The following PARVB variants were observed in gnomAD, a reference collection of about 807,000 sequenced individuals.
The protein encoded by PARVB is parvin beta, also known as beta-parvin.
Under a neutral mutation model 47.0 loss-of-function variants are expected in PARVB, and 46 were observed. That is an observed-to-expected ratio of 0.98 (90% CI 0.77 to 1.25). The LOEUF (loss-of-function observed/expected upper bound fraction) is 1.25, where lower values mean the gene tolerates loss of function less well. PARVB is among the 50% of genes most tolerant of loss of function. The probability of loss-of-function intolerance (pLI) is 0.00; values close to 1 mark genes in which losing one functional copy is unlikely to be tolerated. For missense variants in PARVB, 473 were observed against 471.6 expected (o/e 1.00, Z -0.03); for synonymous variants, 196 against 196.3 (o/e 1.00, Z 0.01).
intron 12 of PARVB, among the ~76,000 whole-genome samples, 185 bp downstream of exon 12, chr22:44,164,115 G>T (rs2272940): frequency 6.6e-6 from 1 of 152,116 alleles, no homozygotes. Flanking sequence ...GGAGGACTTC[G>T]CTGGTGGAGC....
chr22:44,148,206 A>G (rs560088831), intron 9 of PARVB: 2 of 459,950 alleles, frequency 4.3e-6, no homozygotes, highest in Non-Finnish European at 8.1e-6. Context: ...CCTTTTTTCA[A>G]TGTGGAAATG....
chr22:44,059,109 G>A (rs1407638277), intron 1 of PARVB, among the ~76,000 whole-genome samples: 3 of 134,982 alleles, frequency 2.2e-5, no homozygotes, highest in African/African-American at 5.5e-5. Flanking sequence ...GCAGTGGCAC[G>A]ATCTCAGGTC....
At chr22:44,134,220 C>T (rs924735320) in intron 6 of PARVB, among the ~76,000 whole-genome samples, 1 of 152,184 alleles carries the variant, frequency 6.6e-6, no homozygotes, top group Non-Finnish European at 1.5e-5. Context: ...TCTCTGGCAT[C>T]CGGCAAGGGC....
At chr22:44,146,221 C>T (rs1342645972) in intron 8 of PARVB, 1 of 134,716 alleles carries the variant, frequency 7.4e-6, no homozygotes. Context: ...CATGCTCACA[C>T]ATGGACACAC....
At chr22:44,050,061 C>G (rs141785770) in intron 1 of PARVB, among the ~76,000 whole-genome samples, 1 of 152,300 alleles carries the variant, frequency 6.6e-6, no homozygotes, top group South Asian at 2.1e-4. Flanking sequence ...TTGCCCCAGC[C>G]GTATTTAGTT....
intron 1 of PARVB, among the ~76,000 whole-genome samples, chr22:44,072,131 T>C (rs992489386): frequency 6.6e-6 from 1 of 152,218 alleles, no homozygotes; most frequent in Non-Finnish European, 1.5e-5. Context: ...GTGAATGTCA[T>C]GTGGAGCTGC....
At chr22:44,016,724 A>T (rs912464880) in intron 2 of PARVB, among the ~76,000 whole-genome samples, 1 of 152,152 alleles carries the variant, frequency 6.6e-6, no homozygotes, top group Non-Finnish European at 1.5e-5. Flanking sequence ...ACTGTGTGTT[A>T]TGTGCCTGGT....
rs570625605 is a variant in PARVB, at chr22:44,118,014, G to A, written c.274-1024G>A. The stretch of plus-strand genomic sequence containing the variant: ...AATCTCCTTCTGAAGTGTATCACCC[G>A]GTGAACTGAATGGAAAATCTCTTGT... On this transcript the variant is annotated intron_variant, in intron 3 of 12. Coordinates refer to ENST00000338758, the MANE Select transcript of PARVB (RefSeq NM_013327.5). Among the ~76,000 whole-genome samples the A allele has an allele frequency of 2.0e-4, 31 of 152,246 alleles. No individual in the cohort carries two copies. In the Middle Eastern group the frequency reaches 0.017, roughly 84 times the overall value.
rs2052510507 is a variant in PARVB at position 44,103,929 on chromosome 22, G to A, written c.273+3806G>A. The stretch of plus-strand genomic sequence containing the variant: ...CTGACACCTGGATTTTAGCCCAGTG[G>A]AACAGATTTTGGACTTTGACCTCTA... On this transcript the variant is annotated intron_variant, in intron 3 of 12. Transcript: ENST00000338758. The surrounding 1 kb of genome is among the most constrained non-coding windows in gnomAD (Gnocchi z 4.6). 6.6e-6 allele frequency: 1 copy of A among 152,270 alleles called. No individual in the cohort carries two copies. The highest frequency in any genetic ancestry group is 6.5e-5 in the Admixed American group (1 of 15,290). 9.4% of individuals were successfully genotyped at this position (152,270 alleles called of 1,614,324 possible).
chr22:44,128,316 C>T (rs906175164), intron 4 of PARVB, among the ~76,000 whole-genome samples: 1 of 152,202 alleles, frequency 6.6e-6, no homozygotes, highest in Non-Finnish European at 1.5e-5. Flanking sequence ...TGTACTCAAC[C>T]CCCATGTGGC....
chr22:44,008,768 G>A (rs553208911), intron 2 of PARVB, among the ~76,000 whole-genome samples: 8 of 151,896 alleles, frequency 5.3e-5, no homozygotes, highest in South Asian at 4.2e-4. Context: ...GGCGGATCAC[G>A]AGGTCAGGAA....
intron 3 of PARVB, chr22:44,116,240 G>C (rs992628878): frequency 6.6e-6 from 1 of 152,244 alleles, no homozygotes. Flanking sequence ...TTCATGATTC[G>C]ATCAGGTTGT....
In PARVB at chr22:44,124,234, A is replaced by C. The variant is rs568028442; in HGVS notation, c.376+5094A>C. On this transcript the variant is annotated intron_variant, in intron 4 of 12. Transcript: ENST00000338758. ...CCAGAAGGGATCAGCTATTTGCTGA[A>C]CAATCTTTCAGTTCTCATAGAGCCC... Among the ~76,000 whole-genome samples the C allele has an allele frequency of 8.5e-5, 13 of 152,366 alleles. No homozygotes were observed. In the South Asian group the frequency reaches 2.7e-3, roughly 32 times the overall value.
At chr22:44,135,779 C>T (rs1027218879) in intron 6 of PARVB, among the ~76,000 whole-genome samples, 3 of 152,208 alleles carry the variant, frequency 2.0e-5, no homozygotes, top group Non-Finnish European at 2.9e-5. Context: ...TTCCTGCCTC[C>T]TCCAGCTTCT....
chr22:44,004,259 G>T (rs932959377), intron 2 of PARVB, among the ~76,000 whole-genome samples: 1 of 152,220 alleles, frequency 6.6e-6, no homozygotes, highest in Non-Finnish European at 1.5e-5. Context: ...AGGAGCAGGC[G>T]CTCCAGGTCG....
Position 44,168,909 on chromosome 22 carries a change from A to T in PARVB, c.*231A>T, listed in dbSNP as rs1490947738. ...AGTGGGCAAGAGCCTTTGAAAATGC[A>T]GGATTCTAAACACTCGTGCTTGCGT... On this transcript the variant is annotated 3_prime_UTR_variant, in exon 13 of 13. Transcript: ENST00000338758. 39 of 512,402 alleles carry T rather than the reference A, an allele frequency of 7.6e-5. No homozygotes were observed. The highest frequency in any genetic ancestry group is 1.2e-4 in the Non-Finnish European group (34 of 284,544). The allele number at this position is 512,402 out of a possible 1,614,324, so 31.7% of individuals were successfully genotyped here.
rs1238583910 is a variant in PARVB, at chr22:44,125,120, C to T, written c.376+5980C>T. On this transcript the variant is annotated intron_variant, in intron 4 of 12. Coordinates refer to ENST00000338758, the MANE Select transcript of PARVB (RefSeq NM_013327.5). This position sits in a 1 kb window ranked among gnomAD's most constrained non-coding sequence, Gnocchi z 4.1. ...GTCCCATAACTCACTCTGAAGGACA[C>T]AGTGATGCTTGGACCACATTGTTTG... Among the ~76,000 whole-genome samples the T allele has an allele frequency of 6.6e-6, 1 of 152,096 alleles. No homozygotes were observed. Among genetic ancestry groups the T allele is most frequent in the Non-Finnish European group, 1.5e-5 (1 of 68,008 alleles).
intron 1 of PARVB, among the ~76,000 whole-genome samples, chr22:44,055,879 G>A (rs904861871): frequency 1.3e-5 from 2 of 152,092 alleles, no homozygotes; most frequent in Admixed American, 6.6e-5. Flanking sequence ...TGGATTGGCC[G>A]AGGCCTATCC....
intron 3 of PARVB, chr22:44,108,287 T>C (rs1237491337): frequency 6.6e-6 from 1 of 152,110 alleles, no homozygotes; most frequent in Non-Finnish European, 1.5e-5. Context: ...GGGCCCTGAT[T>C]TGTAATCAGT....
Sources: gnomAD v4.1 joint callset for allele counts (sites outside exome capture counted in the v4.1 genomes callset) on GRCh38, gnomAD v4.1.1 for gene constraint, Gnocchi (gnomAD v3.1) non-coding constraint, MANE v1.5 for transcripts, NCBI Gene and HGNC (gene_info 2026-07-23, HGNC 2026-07-21) for gene names.